TRHDE: variants seen among roughly 807,000 people sequenced by gnomAD.
The protein encoded by TRHDE is thyrotropin releasing hormone degrading enzyme, also known as thyrotropin-releasing hormone-degrading ectoenzyme.
Under a neutral mutation model 125.7 loss-of-function variants are expected in TRHDE, and 72 were observed. The ratio of observed to expected loss-of-function variants is 0.57; its 90% CI spans 0.47 to 0.70. The LOEUF is 0.70. Among genes scored for constraint, TRHDE ranks in the 30% least tolerant of loss-of-function variants. The pLI is 0.00. For synonymous variants in TRHDE, 509 were observed against 509.1 expected (o/e 1.00, Z 0.00); for missense variants, 1,110 against 1,327.1 (o/e 0.84, Z 2.54).
intron 6 of TRHDE, among the ~76,000 whole-genome samples, chr12:72,514,546 T>C (rs538381784): frequency 2.6e-4 from 40 of 151,986 alleles, no homozygotes; most frequent in African/African-American, 8.9e-4. Flanking sequence ...TCAAGAGTTA[T>C]GCAGGAGACA....
At chr12:72,245,957 A>G (rs1257758241) in intron 2 of TRHDE, among the ~76,000 whole-genome samples, 1 of 152,202 alleles carries the variant, frequency 6.6e-6, no homozygotes, top group Non-Finnish European at 1.5e-5. Context: ...AACTACAACA[A>G]TGTACAAAGT....
chr12:72,596,270 A>G (rs569799715), intron 12 of TRHDE, among the ~76,000 whole-genome samples: 1 of 152,284 alleles, frequency 6.6e-6, no homozygotes, highest in East Asian at 1.9e-4. Context: ...TTGAATAAAT[A>G]TGGCTTGAGA....
At chr12:72,119,929 A>G (rs7297493) in intron 2 of TRHDE, among the ~76,000 whole-genome samples, 150,077 of 152,326 alleles carry the variant, frequency 0.99, 73,966 homozygotes, top group East Asian at 1. Flanking sequence ...TAGGTGAAGT[A>G]TGTTTCTTGT....
rs761967037 is a variant in TRHDE at position 72,499,624 on chromosome 12, G to A, written c.1711G>A (p.Ala571Thr). ...TATTGACAGGGTGTTTGACTGGATC[G>A]CATATAAAAAGGTGGGAATAAAGAA... Reference protein sequence around the residue: ...TDIDRVFDWIAYKKGAALIRM... With the variant: ...TDIDRVFDWITYKKGAALIRM... Residue 571 changes from alanine (A) to threonine (T), a missense_variant, in exon 6 of 19, where the codon GCA becomes ACA. Physicochemically the swap from Ala to Thr is moderately conservative, Grantham distance 58 (BLOSUM62 0). Around this residue, in one of 5 missense-constraint regions of TRHDE, gnomAD observed 527 missense variants for 651.8 expected, o/e 0.81. Transcript: ENST00000261180. 3.1e-6 allele frequency: 5 copies of A among 1,612,528 alleles called. No individual in the cohort carries two copies. The highest frequency in any genetic ancestry group is 1.1e-5 in the South Asian group (1 of 90,886).
intron 2 of TRHDE, among the ~76,000 whole-genome samples, chr12:72,248,898 G>T (rs1565672453): frequency 6.6e-6 from 1 of 152,124 alleles, no homozygotes; most frequent in Non-Finnish European, 1.5e-5. Context: ...AGATCTTAAT[G>T]TTCTTATTTA....
At chr12:72,144,546 G>A (rs982259473) in intron 2 of TRHDE, among the ~76,000 whole-genome samples, 7 of 152,284 alleles carry the variant, frequency 4.6e-5, no homozygotes, top group Admixed American at 2.0e-4. Context: ...GAGGTGTCTC[G>A]TGTGTTACTT....
At chr12:72,639,257 A>G (rs1401547127) in intron 15 of TRHDE, among the ~76,000 whole-genome samples, 1 of 151,782 alleles carries the variant, frequency 6.6e-6, no homozygotes. Flanking sequence ...CATTCATTTC[A>G]TCTTCCATCG....
chr12:72,402,381 T>C (rs1419006788), intron 3 of TRHDE, among the ~76,000 whole-genome samples: 1 of 152,210 alleles, frequency 6.6e-6, no homozygotes, highest in East Asian at 1.9e-4. Context: ...GGCTGCAGGT[T>C]GGACAAGCTT....
At chr12:72,182,862 G>T (rs896550783) in intron 2 of TRHDE, among the ~76,000 whole-genome samples, 1 of 152,132 alleles carries the variant, frequency 6.6e-6, no homozygotes, top group African/African-American at 2.4e-5. Context: ...CAGTTTTATG[G>T]GCCAAAGCAG....
At chr12:72,180,506 A>G (rs1440664078) in intron 2 of TRHDE, among the ~76,000 whole-genome samples, 1 of 152,074 alleles carries the variant, frequency 6.6e-6, no homozygotes, top group East Asian at 1.9e-4. Context: ...TTTTTCTTAT[A>G]TGTTTCTCAC....
intron 2 of TRHDE, among the ~76,000 whole-genome samples, chr12:72,151,953 G>A (rs1224547605): frequency 6.6e-6 from 1 of 151,242 alleles, no homozygotes; most frequent in African/African-American, 2.4e-5. Context: ...GTAGCTTGAT[G>A]GGGATGGCAT....
chr12:72,156,955 G>T (rs554543446), intron 2 of TRHDE, among the ~76,000 whole-genome samples: 9 of 152,206 alleles, frequency 5.9e-5, no homozygotes, highest in African/African-American at 2.2e-4. Context: ...AGGGTAGCAG[G>T]ATATGCACAC....
intron 2 of TRHDE, among the ~76,000 whole-genome samples, chr12:72,295,234 C>T (rs1880247604): frequency 6.6e-6 from 1 of 151,960 alleles, no homozygotes; most frequent in African/African-American, 2.4e-5. Context: ...GTTTGGGCGG[C>T]TGCAGCAGCA....
Position 72,665,835 on chromosome 12 carries a change from TAA to T in TRHDE, c.*2644_*2645del, listed in dbSNP as rs1875096213. 6.6e-6 allele frequency: 1 copy of T among 152,056 alleles called. No individual in the cohort carries two copies. The highest frequency in any genetic ancestry group is 1.5e-5 in the Non-Finnish European group (1 of 67,974). The allele number at this position is 152,056 out of a possible 1,614,324, so 9.4% of individuals were successfully genotyped here. A position where few individuals can be genotyped will look rare whatever the true frequency, so the allele number is the denominator to read the frequency against. On this transcript the variant is annotated 3_prime_UTR_variant, in exon 19 of 19. Transcript: ENST00000261180. Reference sequence around the variant, plus strand: ...TAAACATTTCCAGGTAACTCGTAAATAAAAAGATTTCCCCATTTTTACACATT... The same window carrying T: ...TAAACATTTCCAGGTAACTCGTAAATAAAGATTTCCCCATTTTTACACATT...
intron 2 of TRHDE, among the ~76,000 whole-genome samples, chr12:72,228,864 G>A (rs1046830134): frequency 6.6e-6 from 1 of 152,140 alleles, no homozygotes; most frequent in African/African-American, 2.4e-5. Context: ...CAGTCTCTTT[G>A]CTAAGGCATC....
intron 3 of TRHDE, among the ~76,000 whole-genome samples, chr12:72,451,184 A>G (rs148023957): frequency 2.5e-4 from 38 of 152,186 alleles, no homozygotes; most frequent in African/African-American, 9.1e-4. Flanking sequence ...GTTGTATCCA[A>G]AAAAAATTAT....
chr12:72,131,996 A>G (rs1362253113), intron 2 of TRHDE, among the ~76,000 whole-genome samples: 1 of 152,246 alleles, frequency 6.6e-6, no homozygotes, highest in Non-Finnish European at 1.5e-5. Flanking sequence ...AACCTACTAT[A>G]GAGCTTATTT....
At chr12:72,417,416 C>A (rs1565733583) in intron 3 of TRHDE, among the ~76,000 whole-genome samples, 1 of 152,014 alleles carries the variant, frequency 6.6e-6, no homozygotes, top group East Asian at 1.9e-4. Flanking sequence ...TATTTGATTA[C>A]TTTTTTAAAT....
In TRHDE at chr12:72,666,622, A is replaced by G. The variant is rs1875123317; in HGVS notation, c.*3427A>G. 1 of 152,106 alleles carries G rather than the reference A, an allele frequency of 6.6e-6. No homozygotes were observed. Among genetic ancestry groups the G allele is most frequent in the Admixed American group, 6.6e-5 (1 of 15,234 alleles). The allele number at this position is 152,106 out of a possible 1,614,324, so 9.4% of individuals were successfully genotyped here. On this transcript the variant is annotated 3_prime_UTR_variant, in exon 19 of 19. Transcript: ENST00000261180. ...TATAACAACCTAAGTCTATCACAAC[A>G]TCATTCCCCAACTAAAATATAAATA...
Sources: allele counts gnomAD v4.1 joint callset (sites outside exome capture counted in the v4.1 genomes callset), GRCh38; gene constraint gnomAD v4.1.1; regional missense constraint gnomAD v4.1.1; transcripts MANE v1.5; gene names NCBI Gene and HGNC (gene_info 2026-07-23, HGNC 2026-07-21).